The following KLF8 variants were observed in gnomAD, a reference collection of about 807,000 sequenced individuals.
The protein encoded by KLF8 is KLF transcription factor 8.
Under a neutral mutation model 18.2 loss-of-function variants are expected in KLF8, and 10 were observed. The observed-to-expected ratio is 0.55, with a 90% CI of 0.34 to 0.93. The LOEUF is 0.93. KLF8 is among the 40% of genes least tolerant of loss of function. KLF8 has a pLI of 0.02. For missense variants in KLF8, 264 were observed against 277.9 expected (o/e 0.95, Z 0.36); for synonymous variants, 109 against 97.3 (o/e 1.12, Z -0.71).
In KLF8 at chrX:56,265,414, G is replaced by T. The variant is rs1427759514; in HGVS notation, c.316G>T (p.Ala106Ser). Residue 106 changes from alanine (A) to serine (S), a missense_variant, in exon 3 of 6, where the codon GCT becomes TCT. Ala to Ser is a moderately conservative substitution (Grantham distance 99). This residue lies in a region of KLF8 where 221 missense variants were observed against 193.6 expected (regional missense o/e 1.14). Transcript: ENST00000468660. ...APLQPASMLQ[A>S]PIRPPKPQSS... Reference sequence around the variant, plus strand: ...TCTCCAGCCTGCTAGCATGCTACAAGCTCCAATACGTCCCCCCAAGCCACA... The same window carrying T: ...TCTCCAGCCTGCTAGCATGCTACAATCTCCAATACGTCCCCCCAAGCCACA... 2 of 1,211,046 alleles carry T rather than the reference G, an allele frequency of 1.7e-6. No homozygotes were observed. The highest frequency in any genetic ancestry group is 3.5e-5 in the African/African-American group (2 of 57,716).
chrX:55,924,260 G>A, the KLF8 span, among the ~76,000 whole-genome samples: 15,059 of 109,877 alleles, frequency 0.14, 1,991 homozygotes, highest in African/African-American at 0.41. Context: ...TTATTTTTTA[G>A]TAGAGACCGG....
At chrX:56,139,049 A>G in the KLF8 span, among the ~76,000 whole-genome samples, 4 of 111,284 alleles carry the variant, frequency 3.6e-5, no homozygotes, top group Admixed American at 3.8e-4. Flanking sequence ...AAAAAATACA[A>G]TCCCATTCAT....
the KLF8 span, among the ~76,000 whole-genome samples, chrX:56,191,736 T>G: frequency 2.7e-5 from 3 of 111,593 alleles, no homozygotes; most frequent in Non-Finnish European, 5.7e-5. Context: ...TTCTTGATCA[T>G]TTCAATTGAT....
At chrX:56,254,415 G>T (rs776930331) in intron 2 of KLF8, among the ~76,000 whole-genome samples, 2 of 111,574 alleles carry the variant, frequency 1.8e-5, no homozygotes, top group East Asian at 5.7e-4. Context: ...GGGGGGCGGG[G>T]TGCCTGCGAC....
At chrX:56,094,755 C>A in the KLF8 span, among the ~76,000 whole-genome samples, 1 of 110,887 alleles carries the variant, frequency 9.0e-6, no homozygotes, top group South Asian at 3.8e-4. Flanking sequence ...AAAATGTGCT[C>A]CCAAACAACA....
At chrX:56,053,431 T>C in the KLF8 span, among the ~76,000 whole-genome samples, 2 of 111,709 alleles carry the variant, frequency 1.8e-5, no homozygotes, top group African/African-American at 3.2e-5. Flanking sequence ...TTGTTGAAGA[T>C]ATTTACATCA....
At chrX:56,255,521 C>A (rs7878534) in intron 2 of KLF8, among the ~76,000 whole-genome samples, 1 of 111,699 alleles carries the variant, frequency 9.0e-6, no homozygotes, top group East Asian at 2.8e-4. Context: ...AGTTTTTCCC[C>A]ATTCGATATG....
chrX:56,011,776 C>A, the KLF8 span, among the ~76,000 whole-genome samples: 1 of 111,582 alleles, frequency 9.0e-6, no homozygotes, highest in Non-Finnish European at 1.9e-5. Context: ...AATGTGATAT[C>A]ACTACTGATC....
chrX:56,218,360 C>T, the KLF8 span, among the ~76,000 whole-genome samples: 1 of 110,777 alleles, frequency 9.0e-6, no homozygotes, highest in East Asian at 2.8e-4. Flanking sequence ...ACAGATATAT[C>T]TTGGGGTATG....
intron 2 of KLF8, among the ~76,000 whole-genome samples, chrX:56,264,306 A>AAACTAATAAATGTATTTATTAGTTTTTT (rs2066929259): frequency 9.0e-6 from 1 of 111,229 alleles, no homozygotes; most frequent in Non-Finnish European, 1.9e-5. Context: ...TTAGTTTTTT[A>AAACTAATAAATGTATTTATTAGTTTTTT]AACTAATAAA....
chrX:56,075,427 A>G, the KLF8 span, among the ~76,000 whole-genome samples: 3 of 111,002 alleles, frequency 2.7e-5, no homozygotes, highest in Non-Finnish European at 5.7e-5. Context: ...GGCACATGAG[A>G]TGTTTTGATA....
chrX:55,912,655 G>A, the KLF8 span, among the ~76,000 whole-genome samples: 3 of 110,761 alleles, frequency 2.7e-5, no homozygotes, highest in Admixed American at 1.9e-4. Context: ...GAGATCCATC[G>A]TCTCCTGTAC....
chrX:56,157,611 G>T, the KLF8 span, among the ~76,000 whole-genome samples: 15 of 111,190 alleles, frequency 1.3e-4, no homozygotes, highest in African/African-American at 4.9e-4. Context: ...ATCTCATTGT[G>T]GTTTTGATTT....
chrX:55,911,279 G>T, the KLF8 span, among the ~76,000 whole-genome samples: 1 of 111,329 alleles, frequency 9.0e-6, no homozygotes, highest in Admixed American at 9.6e-5. Flanking sequence ...AGGAGTGGGA[G>T]AGGTGGAAGA....
At chrX:56,209,526 G>A in the KLF8 span, among the ~76,000 whole-genome samples, 1 of 111,624 alleles carries the variant, frequency 9.0e-6, no homozygotes, top group Non-Finnish European at 1.9e-5. Context: ...CTCCTCGGGA[G>A]ACTGAGGCAG....
chrX:56,219,043 T>C, the KLF8 span, among the ~76,000 whole-genome samples: 1 of 112,372 alleles, frequency 8.9e-6, no homozygotes, highest in Non-Finnish European at 1.9e-5. Flanking sequence ...GCACACATAA[T>C]AGAATTCTAT....
the KLF8 span, among the ~76,000 whole-genome samples, chrX:56,193,366 G>A: frequency 8.9e-6 from 1 of 111,842 alleles, no homozygotes; most frequent in African/African-American, 3.2e-5. Flanking sequence ...TGTACATTTT[G>A]GGTGGGGTTG....
the KLF8 span, among the ~76,000 whole-genome samples, chrX:56,117,008 G>C: frequency 8.1e-5 from 9 of 110,792 alleles, no homozygotes; most frequent in Non-Finnish European, 3.8e-5. Context: ...AGGCATGATG[G>C]CTCATGTCTG....
the KLF8 span, among the ~76,000 whole-genome samples, chrX:56,131,623 C>A: frequency 9.0e-6 from 1 of 111,315 alleles, no homozygotes; most frequent in Admixed American, 9.5e-5. Flanking sequence ...AAATGGAATA[C>A]TACCTCACAT....
Sources: allele counts gnomAD v4.1 joint callset (sites outside exome capture counted in the v4.1 genomes callset), GRCh38; gene constraint gnomAD v4.1.1; regional missense constraint gnomAD v4.1.1; transcripts MANE v1.5; gene names NCBI Gene and HGNC (gene_info 2026-07-23, HGNC 2026-07-21).